JAK3: variants seen among roughly 807,000 people sequenced by gnomAD.
JAK3 encodes the protein tyrosine-protein kinase JAK3.
A neutral mutation model predicts 120.8 loss-of-function variants in JAK3; 88 were observed. The ratio of observed to expected loss-of-function variants is 0.73; its 90% CI spans 0.61 to 0.87. The LOEUF is 0.87. JAK3 is among the 40% of genes least tolerant of loss of function. The pLI is 0.00. For missense variants in JAK3, 1,254 were observed against 1,501.4 expected, an observed-to-expected ratio of 0.84 and a Z score of 2.72; for synonymous variants, 592 against 628.6, an observed-to-expected ratio of 0.94 and a Z score of 0.87.
chr19:17,840,942 G>T (rs544249966), intron 8 of JAK3, among the ~76,000 whole-genome samples: 1 of 150,498 alleles, frequency 6.6e-6, no homozygotes, highest in African/African-American at 2.5e-5. Context: ...CTCAGCCTCC[G>T]GAGTCGCTGG....
chr19:17,831,761 G>A lies in JAK3; in HGVS notation c.2718C>T (p.Pro906=), dbSNP rs370066330. The change falls in exon 20 of 24, where the codon CCC becomes CCT. Residue 906 remains proline, a synonymous_variant. Transcript: ENST00000458235. The surrounding 1 kb of genome is among the most constrained non-coding windows in gnomAD (Gnocchi z 5.1). ...GCAGGAAGTCGCGCAAGCAGCCGCT[G>A]GGCAGGTACTCCATGACCAGCCGCA... ...QSLRLVMEYL[P]SGCLRDFLQR... is the part of the protein sequence containing the mutation. 2 of 1,612,796 alleles carry A rather than the reference G, an allele frequency of 1.2e-6. No individual in the cohort carries two copies. The highest frequency in any genetic ancestry group is 8.5e-7 in the Non-Finnish European group (1 of 1,179,874).
rs1167325916 is a variant in JAK3, at chr19:17,832,359, C to T, written c.2680+160G>A. Among the ~76,000 whole-genome samples the T allele has an allele frequency of 2.0e-5, 3 of 152,184 alleles. No individual in the cohort carries two copies. The highest frequency in any genetic ancestry group is 4.4e-5 in the Non-Finnish European group (3 of 68,046). On this transcript the variant is annotated intron_variant, in intron 19 of 23. Coordinates refer to ENST00000458235, the MANE Select transcript of JAK3 (RefSeq NM_000215.4). The surrounding 1 kb of genome is among the most constrained non-coding windows in gnomAD (Gnocchi z 4.7). ...GCTCAGAAAAGTTAAGGTTTCACAACTGGTAAGGGGTAGAGTCAGGATTCA... is the reference window on the plus strand; with the variant it reads ...GCTCAGAAAAGTTAAGGTTTCACAATTGGTAAGGGGTAGAGTCAGGATTCA...
chr19:17,841,861 C>T lies in JAK3; in HGVS notation c.862-99G>A, dbSNP rs965025311. ...AAGCCACACCATCCACTCCCTATCC[C>T]TTTGCCATTCAACCCTTCCAAGCCG... On this transcript the variant is annotated intron_variant, in intron 6 of 23. Coordinates refer to ENST00000458235, the MANE Select transcript of JAK3 (RefSeq NM_000215.4). This position sits in a 1 kb window ranked among gnomAD's most constrained non-coding sequence, Gnocchi z 4.1. 35 of 1,547,418 alleles carry T rather than the reference C, an allele frequency of 2.3e-5. No homozygotes were observed. Among genetic ancestry groups the T allele is most frequent in the Non-Finnish European group, 2.4e-5 (27 of 1,140,724 alleles).
At chr19:17,847,499 G>A (rs2094254744) in intron 1 of JAK3, among the ~76,000 whole-genome samples, 1 of 152,052 alleles carries the variant, frequency 6.6e-6, no homozygotes, top group South Asian at 2.1e-4. Flanking sequence ...GCCCAGGCTG[G>A]CCTTGAACTC....
In JAK3 at chr19:17,831,322, G is replaced by A. The variant is rs2147675866; in HGVS notation, c.2884C>T (p.His962Tyr). 2 of 1,612,340 alleles carry A rather than the reference G, an allele frequency of 1.2e-6. No homozygotes were observed. Among genetic ancestry groups the A allele is most frequent in the East Asian group, 2.2e-5 (1 of 44,874 alleles). Residue 962 changes from histidine (H) to tyrosine (Y), a missense_variant, in exon 21 of 24, where the codon CAC becomes TAC. This residue lies in a region of JAK3 where 630 missense variants were observed against 819.8 expected (regional missense o/e 0.77). Transcript: ENST00000458235. This position sits in a 1 kb window ranked among gnomAD's most constrained non-coding sequence, Gnocchi z 5.1. ...ARNILVESEA[H>Y]VKIADFGLAK... Reference sequence around the variant, plus strand: ...AGGCCGAAGTCAGCGATCTTGACGTGTGCCTCGCTCTCCACGAGGATGTTT... The same window carrying A: ...AGGCCGAAGTCAGCGATCTTGACGTATGCCTCGCTCTCCACGAGGATGTTT...
Position 17,842,260 on chromosome 19 carries a change from C to CCCA in JAK3, c.861+55_861+56insTGG. The CCCA allele has an allele frequency of 2.1e-6, 3 of 1,439,302 alleles. No homozygotes were observed. The highest frequency in any genetic ancestry group is 2.8e-6 in the Non-Finnish European group (3 of 1,090,394). The allele number at this position is 1,439,302 out of a possible 1,614,324, so 89.2% of individuals were successfully genotyped here. A position where few individuals can be genotyped will look rare whatever the true frequency, so the allele number is the denominator to read the frequency against. ...CCACATCCCCTACCACTCTCCGGCC[C>CCCA]CTCCCCGAGCCCCGCCCCCACGTTG... On this transcript the variant is annotated intron_variant, in intron 6 of 23. Transcript: ENST00000458235. The surrounding 1 kb of genome is among the most constrained non-coding windows in gnomAD (Gnocchi z 6.4).
At position 17,842,328 on chromosome 19, in the gene JAK3, C is replaced by A; in HGVS notation, c.849G>T (p.Gln283His). ...VAGDGGIAWTQGEQEVLQPFC... is the reference protein window; with the variant it reads ...VAGDGGIAWTHGEQEVLQPFC... ...AGTCCGCCCTCACCTCCTGTTCTCC[C>A]TGGGTCCAGGCGATGCCGCCGTCAC... Residue 283 changes from glutamine (Q) to histidine (H), a missense_variant, in exon 6 of 24, where the codon CAG becomes CAT. By Grantham distance (24) the Gln-to-His change is conservative. Transcript: ENST00000458235. The surrounding 1 kb of genome is among the most constrained non-coding windows in gnomAD (Gnocchi z 6.4). 6.3e-7 allele frequency: 1 copy of A among 1,587,654 alleles called. No homozygotes were observed.
At chr19:17,830,352 A>G in intron 22 of JAK3, 134 bp from the exon 23 acceptor site, 1 of 904,884 alleles carries the variant, frequency 1.1e-6, no homozygotes, top group Non-Finnish European at 1.8e-6. Context: ...AGGGGTCAGA[A>G]AGGTGAGGAA....
chr19:17,846,130 A>G (rs2094251670), intron 1 of JAK3, among the ~76,000 whole-genome samples: 1 of 152,086 alleles, frequency 6.6e-6, no homozygotes, highest in Non-Finnish European at 1.5e-5. Flanking sequence ...ATGAGGTTTA[A>G]GACAATCAGA....
intron 12 of JAK3, among the ~76,000 whole-genome samples, chr19:17,837,446 C>T (rs1235486864): frequency 6.6e-6 from 1 of 152,044 alleles, no homozygotes; most frequent in Non-Finnish European, 1.5e-5. Context: ...GACAGAGTCT[C>T]CCTCTGTCAC....
In JAK3 at chr19:17,826,246, G is replaced by A. The variant is rs909396646; in HGVS notation, c.*497C>T. 5.8e-6 allele frequency: 1 copy of A among 172,866 alleles called. No homozygotes were observed. Among genetic ancestry groups the A allele is most frequent in the African/African-American group, 2.4e-5 (1 of 41,848 alleles). The allele number at this position is 172,866 out of a possible 1,614,324, so 10.7% of individuals were successfully genotyped here. On this transcript the variant is annotated 3_prime_UTR_variant, in exon 24 of 24. Coordinates refer to ENST00000458235, the MANE Select transcript of JAK3 (RefSeq NM_000215.4). ...TAAAAATAAAAAAAATTAGCCGGGT[G>A]TGGTGGTGCACACCTGTAATCCCAG...
Position 17,844,464 on chromosome 19 carries a change from G to A in JAK3, c.-13-34C>T, listed in dbSNP as rs147813790. ...CAGAGAGAAAAAGCCCCTCAGTCCT[G>A]GTCAGAGGGGATTGGACTTCTGAGC... is the stretch of plus-strand genomic sequence containing the variant. On this transcript the variant is annotated intron_variant, in intron 1 of 23. Transcript: ENST00000458235. 2,169 of 1,559,542 alleles carry A rather than the reference G, an allele frequency of 1.4e-3. 4 individuals are homozygous for A. The highest frequency in any genetic ancestry group is 1.7e-3 in the Non-Finnish European group (1,961 of 1,148,728).
chr19:17,841,888 G>T lies in JAK3; in HGVS notation c.862-126C>A. The T allele has an allele frequency of 1.5e-6, 2 of 1,337,462 alleles. No homozygotes were observed. The highest frequency in any genetic ancestry group is 2.1e-6 in the Non-Finnish European group (2 of 972,212). 82.8% of individuals were successfully genotyped at this position (1,337,462 alleles called of 1,614,324 possible). A position where few individuals can be genotyped will look rare whatever the true frequency, so the allele number is the denominator to read the frequency against. Reference sequence around the variant, plus strand: ...TTGCCATTCAACCCTTCCAAGCCGCGCCCCCTCCTATCAACTCCAACCTCT... The same window carrying T: ...TTGCCATTCAACCCTTCCAAGCCGCTCCCCCTCCTATCAACTCCAACCTCT... On this transcript the variant is annotated intron_variant, in intron 6 of 23. Coordinates refer to ENST00000458235, the MANE Select transcript of JAK3 (RefSeq NM_000215.4). This position sits in a 1 kb window ranked among gnomAD's most constrained non-coding sequence, Gnocchi z 4.1.
intron 8 of JAK3, 108 bp from the exon 9 acceptor site, chr19:17,840,449 G>A: frequency 1.3e-6 from 1 of 750,294 alleles, no homozygotes; most frequent in South Asian, 1.5e-5. Context: ...CTTGCCAGGT[G>A]ACACCCTCCC....
intron 9 of JAK3, among the ~76,000 whole-genome samples, 178 bp downstream of exon 9, chr19:17,840,052 C>G (rs1266077139): frequency 6.6e-6 from 1 of 152,136 alleles, no homozygotes; most frequent in African/African-American, 2.4e-5. Context: ...GTCCTTTCTC[C>G]TAAAGCACCA....
chr19:17,826,688 C>T lies in JAK3; in HGVS notation c.*55G>A. ...GGCCCAGAGAGGGGCAGCTCCGGGC[C>T]TAAGGTCACACAGCCAGTCAACAGA... On this transcript the variant is annotated 3_prime_UTR_variant, in exon 24 of 24. Coordinates refer to ENST00000458235, the MANE Select transcript of JAK3 (RefSeq NM_000215.4). 6.2e-7 allele frequency: 1 copy of T among 1,603,804 alleles called. No homozygotes were observed. The highest frequency in any genetic ancestry group is 8.5e-7 in the Non-Finnish European group (1 of 1,170,800).
chr19:17,834,550 C>G, intron 17 of JAK3, 21 bp downstream of exon 17: 1 of 1,610,934 alleles, frequency 6.2e-7, no homozygotes, highest in Non-Finnish European at 8.5e-7. Flanking sequence ...CCCTCCCCAC[C>G]CAACCCGTCC....
Position 17,843,715 on chromosome 19 carries a change from C to A in JAK3, c.308+62G>T. On this transcript the variant is annotated intron_variant, in intron 3 of 23. Transcript: ENST00000458235. This position sits in a 1 kb window ranked among gnomAD's most constrained non-coding sequence, Gnocchi z 5.4. ...CCTCCCTGGGGCAGGGGTGTGGGCA[C>A]CTCGAAATGCAAGGAGATGATAAAA... 6.2e-7 allele frequency: 1 copy of A among 1,600,650 alleles called. No individual in the cohort carries two copies. Among genetic ancestry groups the A allele is most frequent in the Non-Finnish European group, 8.6e-7 (1 of 1,169,308 alleles).
chr19:17,843,718 C>T lies in JAK3; in HGVS notation c.308+59G>A, dbSNP rs1273052283. 2.5e-5 allele frequency: 40 copies of T among 1,604,670 alleles called. No individual in the cohort carries two copies. The highest frequency in any genetic ancestry group is 4.4e-5 in the South Asian group (4 of 90,700). ...CCCTGGGGCAGGGGTGTGGGCACCT[C>T]GAAATGCAAGGAGATGATAAAATTG... On this transcript the variant is annotated intron_variant, in intron 3 of 23. Transcript: ENST00000458235. The surrounding 1 kb of genome is among the most constrained non-coding windows in gnomAD (Gnocchi z 5.4).
Sources: gnomAD v4.1 joint callset for allele counts (sites outside exome capture counted in the v4.1 genomes callset) on GRCh38, gnomAD v4.1.1 for gene constraint, gnomAD v4.1.1 regional missense constraint, Gnocchi (gnomAD v3.1) non-coding constraint, MANE v1.5 for transcripts, NCBI Gene and HGNC (gene_info 2026-07-23, HGNC 2026-07-21) for gene names.